The following GPATCH2 variants were observed in gnomAD, a reference collection of about 807,000 sequenced individuals.
GPATCH2 encodes the protein G-patch domain containing 2.
In GPATCH2, 51 loss-of-function variants were observed where a neutral mutation model predicts 58.0. The ratio of observed to expected loss-of-function variants is 0.88; its 90% CI spans 0.70 to 1.11. GPATCH2 has a LOEUF of 1.11. Ranked by LOEUF, GPATCH2 falls within the 50% of genes most tolerant of loss-of-function variation. GPATCH2 has a pLI of 0.00. For synonymous variants in GPATCH2, 222 were observed against 218.5 expected, an observed-to-expected ratio of 1.02 and a Z score of -0.14; for missense variants, 625 against 652.2, an observed-to-expected ratio of 0.96 and a Z score of 0.45.
At position 217,431,380 on chromosome 1, in the gene GPATCH2, C is replaced by A. The variant is rs199647200; in HGVS notation, c.1367-15G>T. 360 of 1,279,462 alleles carry A rather than the reference C, an allele frequency of 2.8e-4. 1 individual carries two copies. In the African/African-American group the frequency reaches 4.7e-3, roughly 17 times the overall value. The allele number at this position is 1,279,462 out of a possible 1,614,324, so 79.3% of individuals were successfully genotyped here. On this transcript the variant is annotated splice_polypyrimidine_tract_variant and intron_variant, in intron 9 of 9. Transcript: ENST00000366935. ...ACCTACAAATCCTGAAATGATAAAA[C>A]AACAGCACACATTAATCAGTATGAA... is the stretch of plus-strand genomic sequence containing the variant.
intron 2 of GPATCH2, among the ~76,000 whole-genome samples, chr1:217,616,214 T>G (rs1354975788): frequency 2.6e-5 from 4 of 152,098 alleles, no homozygotes; most frequent in Non-Finnish European, 5.9e-5. Flanking sequence ...TTACATCTAT[T>G]CCAAAGAAAG....
At chr1:217,527,945 T>C (rs149308602) in intron 5 of GPATCH2, among the ~76,000 whole-genome samples, 112 of 152,320 alleles carry the variant, frequency 7.4e-4, no homozygotes, top group African/African-American at 2.6e-3. Context: ...CATTTAGTTA[T>C]AACTGCAACG....
At chr1:217,567,754 AT>A (rs1484734399) in intron 5 of GPATCH2, among the ~76,000 whole-genome samples, 2 of 152,192 alleles carry the variant, frequency 1.3e-5, no homozygotes, top group African/African-American at 4.8e-5. Flanking sequence ...TAAGGAAATA[AT>A]TTTATACCTG....
chr1:217,602,178 G>C (rs1451640074), intron 5 of GPATCH2, among the ~76,000 whole-genome samples: 1 of 152,096 alleles, frequency 6.6e-6, no homozygotes, highest in Non-Finnish European at 1.5e-5. Flanking sequence ...GAGATTACAT[G>C]GGTTCAAATG....
At chr1:217,548,687 A>G (rs1047579192) in intron 5 of GPATCH2, among the ~76,000 whole-genome samples, 2 of 152,126 alleles carry the variant, frequency 1.3e-5, no homozygotes, top group East Asian at 3.9e-4. Context: ...GTGGGAGGTA[A>G]CTGAATCATG....
chr1:217,609,062 T>TA, intron 5 of GPATCH2: 1 of 781,686 alleles, frequency 1.3e-6, no homozygotes, highest in Non-Finnish European at 1.6e-6. Flanking sequence ...CATACAATAA[T>TA]ATAAAAATAC....
intron 8 of GPATCH2, among the ~76,000 whole-genome samples, chr1:217,476,870 G>T (rs1025626160): frequency 6.6e-6 from 1 of 152,094 alleles, no homozygotes; most frequent in African/African-American, 2.4e-5. Context: ...GACTGCGGGG[G>T]CATGCAACAT....
At chr1:217,539,179 G>A (rs925601220) in intron 5 of GPATCH2, among the ~76,000 whole-genome samples, 3 of 151,876 alleles carry the variant, frequency 2.0e-5, no homozygotes, top group African/African-American at 7.3e-5. Context: ...ACATTGACAA[G>A]TATGAGCTCG....
At chr1:217,511,633 G>T (rs1662854824) in intron 6 of GPATCH2, among the ~76,000 whole-genome samples, 1 of 152,154 alleles carries the variant, frequency 6.6e-6, no homozygotes, top group Non-Finnish European at 1.5e-5. Flanking sequence ...AAAACTCTCT[G>T]CCCAGAGTGG....
At chr1:217,470,454 T>C (rs1242514136) in intron 8 of GPATCH2, among the ~76,000 whole-genome samples, 5 of 152,206 alleles carry the variant, frequency 3.3e-5, no homozygotes, top group Non-Finnish European at 7.3e-5. Flanking sequence ...GCATATTACT[T>C]ATTTCTAAAT....
At chr1:217,547,363 C>A (rs1309037590) in intron 5 of GPATCH2, among the ~76,000 whole-genome samples, 16 of 149,418 alleles carry the variant, frequency 1.1e-4, no homozygotes, top group South Asian at 4.3e-4. Context: ...AAAAAAAAGT[C>A]AAAAAATAAC....
intron 9 of GPATCH2, among the ~76,000 whole-genome samples, chr1:217,434,202 G>C (rs1442534774): frequency 6.6e-6 from 1 of 152,090 alleles, no homozygotes; most frequent in South Asian, 2.1e-4. Context: ...AAAAATTCTT[G>C]ACTAAAATTA....
chr1:217,615,598 C>T (rs1432826815), intron 2 of GPATCH2, among the ~76,000 whole-genome samples: 1 of 152,050 alleles, frequency 6.6e-6, no homozygotes, highest in Non-Finnish European at 1.5e-5. Flanking sequence ...TGAAGGGTCT[C>T]ATATACACCT....
chr1:217,580,597 C>T lies in GPATCH2; in HGVS notation c.1098+29724G>A, dbSNP rs377368679. Among the ~76,000 whole-genome samples, 15 of 152,164 alleles carry T rather than the reference C, an allele frequency of 9.9e-5. No homozygotes were observed. The East Asian group carries it at 1.2e-3, about 12-fold the overall frequency. ...TATAATTAGTGTACAGCATTACCTT[C>T]GGTAATCTCAATCCTTTCACTTTTA... is the stretch of plus-strand genomic sequence containing the variant. On this transcript the variant is annotated intron_variant, in intron 5 of 9. Transcript: ENST00000366935.
At chr1:217,492,989 C>T (rs956997031) in intron 7 of GPATCH2, among the ~76,000 whole-genome samples, 1 of 152,124 alleles carries the variant, frequency 6.6e-6, no homozygotes, top group East Asian at 1.9e-4. Flanking sequence ...AGGAATAGAC[C>T]TTCCTTAGAT....
chr1:217,487,896 C>T (rs1223504107), intron 8 of GPATCH2, among the ~76,000 whole-genome samples: 1 of 152,102 alleles, frequency 6.6e-6, no homozygotes, highest in African/African-American at 2.4e-5. Context: ...GAGCACACCA[C>T]CACGCCTAGC....
intron 8 of GPATCH2, among the ~76,000 whole-genome samples, chr1:217,468,514 A>C (rs1180107202): frequency 1.5e-5 from 1 of 68,434 alleles, no homozygotes; most frequent in Non-Finnish European, 2.8e-5. Context: ...TGCACACACA[A>C]CCACACACAC....
At chr1:217,613,096 T>C (rs931558786) in intron 3 of GPATCH2, among the ~76,000 whole-genome samples, 1 of 152,064 alleles carries the variant, frequency 6.6e-6, no homozygotes, top group Non-Finnish European at 1.5e-5. Flanking sequence ...AGAAAAGATC[T>C]GTATTTTAAT....
In GPATCH2 at chr1:217,428,230, T is replaced by C. The variant is rs930830416; in HGVS notation, c.*2915A>G. On this transcript the variant is annotated 3_prime_UTR_variant, in exon 10 of 10. Transcript: ENST00000366935. ...AATTAGGATAGAAAAGGGAGACCTA[T>C]GCAGTCTCTAAAATTTTTAGTACAA... 1 of 152,168 alleles carries C rather than the reference T, an allele frequency of 6.6e-6. No homozygotes were observed. The highest frequency in any genetic ancestry group is 2.1e-4 in the South Asian group (1 of 4,830). The allele number at this position is 152,168 out of a possible 1,614,324, so 9.4% of individuals were successfully genotyped here. A position where few individuals can be genotyped will look rare whatever the true frequency, so the allele number is the denominator to read the frequency against.
Sources: allele counts gnomAD v4.1 joint callset (sites outside exome capture counted in the v4.1 genomes callset), GRCh38; gene constraint gnomAD v4.1.1; transcripts MANE v1.5; gene names NCBI Gene and HGNC (gene_info 2026-07-23, HGNC 2026-07-21).